ADAMTS17: variants seen among roughly 807,000 people sequenced by gnomAD.
ADAMTS17 encodes the protein A disintegrin and metalloproteinase with thrombospondin motifs 17.
Under a neutral mutation model 141.5 loss-of-function variants are expected in ADAMTS17, and 113 were observed. That is an observed-to-expected ratio of 0.80 (90% CI 0.69 to 0.93). The LOEUF is 0.93. Among genes scored for constraint, ADAMTS17 ranks in the 40% least tolerant of loss-of-function variants. The pLI, the probability that ADAMTS17 is intolerant of heterozygous loss-of-function variation, is 0.00. For synonymous variants in ADAMTS17, 768 were observed against 630.6 expected (o/e 1.22, Z -3.27); for missense variants, 1,659 against 1,517.9 (o/e 1.09, Z -1.54).
chr15:100,262,179 C>G (rs1432968160), intron 5 of ADAMTS17, among the ~76,000 whole-genome samples, 173 bp downstream of exon 5: 1 of 152,154 alleles, frequency 6.6e-6, no homozygotes, highest in East Asian at 1.9e-4. Context: ...AACAGCCCCC[C>G]CTCACACCAT....
intron 7 of ADAMTS17, among the ~76,000 whole-genome samples, chr15:100,229,677 C>T (rs2042416661): frequency 6.6e-6 from 1 of 152,206 alleles, no homozygotes; most frequent in African/African-American, 2.4e-5. Context: ...GTCACATGAT[C>T]CGTTGAAGAT....
At chr15:100,071,264 A>T (rs1018556218) in intron 15 of ADAMTS17, among the ~76,000 whole-genome samples, 8 of 150,168 alleles carry the variant, frequency 5.3e-5, no homozygotes, top group South Asian at 2.1e-4. Context: ...CTTATCAACC[A>T]AAAAAAGTCC....
intron 4 of ADAMTS17, among the ~76,000 whole-genome samples, chr15:100,267,244 GT>G (rs1384022545): frequency 6.6e-6 from 1 of 151,916 alleles, no homozygotes; most frequent in Non-Finnish European, 1.5e-5. Context: ...TAGCACTTGT[GT>G]TTTTGTGTCA....
Position 100,322,642 on chromosome 15 carries a change from A to G in ADAMTS17, c.616+8247T>C, listed in dbSNP as rs147678940. Among the ~76,000 whole-genome samples, 47 of 152,368 alleles carry G rather than the reference A, an allele frequency of 3.1e-4. No individual in the cohort carries two copies. The East Asian group carries it at 4.8e-3, about 16-fold the overall frequency. ...GACCCAGATGTTAGAATAGCAGACA[A>G]GAATTTTGAAGCAATTATTACCATA... On this transcript the variant is annotated intron_variant, in intron 3 of 21. Coordinates refer to ENST00000268070, the MANE Select transcript of ADAMTS17 (RefSeq NM_139057.4).
intron 4 of ADAMTS17, among the ~76,000 whole-genome samples, chr15:100,263,405 T>C (rs543483789): frequency 1.1e-4 from 16 of 152,308 alleles, no homozygotes; most frequent in Middle Eastern, 3.4e-3. Context: ...TCAAGTCCCA[T>C]TGTAACCAAA....
chr15:100,016,742 T>C (rs183163860), intron 18 of ADAMTS17, among the ~76,000 whole-genome samples: 1 of 152,298 alleles, frequency 6.6e-6, no homozygotes, highest in African/African-American at 2.4e-5. Flanking sequence ...CAGCTGTAGA[T>C]ACCAGCACCT....
rs569120152 is a variant in ADAMTS17 at position 100,125,185 on chromosome 15, T to C, written c.1721+6822A>G. On this transcript the variant is annotated intron_variant, in intron 12 of 21. Coordinates refer to ENST00000268070, the MANE Select transcript of ADAMTS17 (RefSeq NM_139057.4). ...CTGAGAAGAGAGCAGGGCAAAGCCA[T>C]AGGGTTTCAGAAGTGCTGCGAGCTG... Among the ~76,000 whole-genome samples, 20 of 152,300 alleles carry C rather than the reference T, an allele frequency of 1.3e-4. No individual in the cohort carries two copies. The East Asian group carries it at 3.3e-3, about 25-fold the overall frequency.
intron 15 of ADAMTS17, among the ~76,000 whole-genome samples, chr15:100,089,506 C>A (rs1445755679): frequency 6.6e-6 from 1 of 151,210 alleles, no homozygotes; most frequent in African/African-American, 2.5e-5. Flanking sequence ...GATTATAAAT[C>A]ATGCTGCTAT....
chr15:100,341,120 C>G lies in ADAMTS17; in HGVS notation c.369G>C (p.Glu123Asp). The G allele has an allele frequency of 6.9e-7, 1 of 1,448,920 alleles. No individual in the cohort carries two copies. The highest frequency in any genetic ancestry group is 9.0e-7 in the Non-Finnish European group (1 of 1,109,878). 89.8% of individuals were successfully genotyped at this position (1,448,920 alleles called of 1,614,324 possible). A position where few individuals can be genotyped will look rare whatever the true frequency, so the allele number is the denominator to read the frequency against. Residue 123 changes from glutamate to aspartate, a missense_variant, in exon 2 of 22, where the codon GAG (glutamate) becomes GAC (aspartate). Coordinates refer to ENST00000268070, the MANE Select transcript of ADAMTS17 (RefSeq NM_139057.4). Reference sequence around the variant, plus strand: ...GCACACGGCCCGAGTAGAAGCACAGCTCGGCGGGGCGGCCGCGGCGCCGGG... The same window carrying G: ...GCACACGGCCCGAGTAGAAGCACAGGTCGGCGGGGCGGCCGCGGCGCCGGG... The part of the protein sequence containing the change: ...GAARRRGRPA[E>D]LCFYSGRVLG...
At chr15:100,340,614 C>T (rs945129048) in intron 2 of ADAMTS17, among the ~76,000 whole-genome samples, 2 of 152,130 alleles carry the variant, frequency 1.3e-5, no homozygotes, top group African/African-American at 4.8e-5. Context: ...ACCTCCAAGT[C>T]CAAGAACATA....
chr15:100,170,256 G>A (rs1043909461), intron 8 of ADAMTS17, among the ~76,000 whole-genome samples: 11 of 152,300 alleles, frequency 7.2e-5, no homozygotes, highest in African/African-American at 2.4e-4. Flanking sequence ...GGAGACTGCT[G>A]CAGAATGGTA....
intron 18 of ADAMTS17, among the ~76,000 whole-genome samples, chr15:100,042,690 A>C (rs1282898405): frequency 6.6e-6 from 1 of 152,196 alleles, no homozygotes; most frequent in Non-Finnish European, 1.5e-5. Context: ...ATGGCTACTG[A>C]GTGACAACCA....
intron 4 of ADAMTS17, among the ~76,000 whole-genome samples, chr15:100,270,837 A>T (rs12901824): frequency 0.72 from 87,368 of 120,978 alleles, 32,722 homozygotes; most frequent in East Asian, 0.95. Flanking sequence ...TTATACACTA[A>T]CACTACTACC....
In ADAMTS17 at chr15:100,142,520, T is replaced by C. The variant is rs577443560; in HGVS notation, c.1474-9205A>G. The stretch of plus-strand genomic sequence containing the variant: ...CAGAATGGACACTACCTAACATTTA[T>C]TGAGTGTGTGCTACATGCTAAGTGC... On this transcript the variant is annotated intron_variant, in intron 10 of 21. Coordinates refer to ENST00000268070, the MANE Select transcript of ADAMTS17 (RefSeq NM_139057.4). 2.0e-4 allele frequency among the ~76,000 whole-genome samples: 30 copies of C among 152,324 alleles called. No homozygotes were observed. In the South Asian group the frequency reaches 2.3e-3, roughly 12 times the overall value.
Position 99,992,969 on chromosome 15 carries a change from C to T in ADAMTS17, c.2949+79G>A, listed in dbSNP as rs1479814900. 16 of 1,576,746 alleles carry T rather than the reference C, an allele frequency of 1.0e-5. No individual in the cohort carries two copies. The Admixed American group carries it at 2.5e-4, about 25-fold the overall frequency. On this transcript the variant is annotated intron_variant, in intron 20 of 21. Transcript: ENST00000268070. ...TGGGACTGCCGCGTAGAATTGGGACCCGTCACAAGAGCTGAGTTCCCGACC... is the reference window on the plus strand; with the variant it reads ...TGGGACTGCCGCGTAGAATTGGGACTCGTCACAAGAGCTGAGTTCCCGACC...
chr15:100,237,935 C>T (rs527637451), intron 7 of ADAMTS17, among the ~76,000 whole-genome samples: 1 of 152,272 alleles, frequency 6.6e-6, no homozygotes, highest in Admixed American at 6.5e-5. Flanking sequence ...AACACTAAGT[C>T]TCTTAAGTGA....
At chr15:100,110,786 G>A (rs908353595) in intron 13 of ADAMTS17, among the ~76,000 whole-genome samples, 9 of 152,062 alleles carry the variant, frequency 5.9e-5, no homozygotes, top group African/African-American at 1.2e-4. Flanking sequence ...TGGTGGCCCC[G>A]GGCCAGCAAG....
At chr15:100,145,938 C>G (rs947487583) in intron 10 of ADAMTS17, among the ~76,000 whole-genome samples, 2 of 152,154 alleles carry the variant, frequency 1.3e-5, no homozygotes, top group Admixed American at 6.5e-5. Flanking sequence ...TTTGGGAGGC[C>G]AAGGCAGGGG....
At chr15:100,082,873 G>C (rs1164677163) in intron 15 of ADAMTS17, among the ~76,000 whole-genome samples, 2 of 151,304 alleles carry the variant, frequency 1.3e-5, no homozygotes, top group Non-Finnish European at 2.9e-5. Context: ...GGGATGCGCA[G>C]GGTTTGCTTA....
Sources: gnomAD v4.1 joint callset for allele counts (sites outside exome capture counted in the v4.1 genomes callset) on GRCh38, gnomAD v4.1.1 for gene constraint, MANE v1.5 for transcripts, NCBI Gene and HGNC (gene_info 2026-07-23, HGNC 2026-07-21) for gene names.